The following BCAS3 variants were observed in gnomAD, a reference collection of about 807,000 sequenced individuals.
BCAS3 encodes BCAS3 microtubule associated cell migration factor.
In BCAS3, 53 loss-of-function variants were observed where a neutral mutation model predicts 116.1. The ratio of observed to expected loss-of-function variants is 0.46; its 90% CI spans 0.37 to 0.57. The LOEUF is 0.57. Ranked by LOEUF, BCAS3 falls within the 20% of genes least tolerant of loss-of-function variation. The pLI, the probability that BCAS3 is intolerant of heterozygous loss-of-function variation, is 0.00. For synonymous variants in BCAS3, 391 were observed against 408.2 expected, an observed-to-expected ratio of 0.96 and a Z score of 0.51; for missense variants, 917 against 1,165.4, an observed-to-expected ratio of 0.79 and a Z score of 3.10.
Position 60,788,791 on chromosome 17 carries a change from G to T in BCAS3, c.404-19213G>T, listed in dbSNP as rs1030996121. Among the ~76,000 whole-genome samples the T allele has an allele frequency of 5.5e-4, 84 of 152,160 alleles. 1 individual carries two copies. Among genetic ancestry groups the T allele is most frequent in the African/African-American group, 1.7e-3 (71 of 41,524 alleles). On this transcript the variant is annotated intron_variant, in intron 6 of 23. Transcript: ENST00000407086. ...ATGAGAGTATTATTCAATTCATAAT[G>T]ATTATTTATAGAAAATTTGGTAAGA... is the stretch of plus-strand genomic sequence containing the variant.
rs941383136 is a variant in BCAS3, at chr17:61,347,606, C to G, written c.2426-20721C>G. Among the ~76,000 whole-genome samples the G allele has an allele frequency of 1.3e-5, 2 of 152,186 alleles. No individual in the cohort carries two copies. Among genetic ancestry groups the G allele is most frequent in the Admixed American group, 1.3e-4 (2 of 15,284 alleles). On this transcript the variant is annotated intron_variant, in intron 22 of 23. Coordinates refer to ENST00000407086, the MANE Select transcript of BCAS3 (RefSeq NM_017679.5). This position sits in a 1 kb window ranked among gnomAD's most constrained non-coding sequence, Gnocchi z 4.3. ...AATAGGGCCATAAAATATTTTATTGCTTTTGTCTGTCTCCTTTACCAAATT... is the reference window on the plus strand; with the variant it reads ...AATAGGGCCATAAAATATTTTATTGGTTTTGTCTGTCTCCTTTACCAAATT...
At chr17:61,207,774 A>G (rs978469543) in intron 22 of BCAS3, among the ~76,000 whole-genome samples, 6 of 152,170 alleles carry the variant, frequency 3.9e-5, no homozygotes, top group African/African-American at 1.4e-4. Flanking sequence ...GCTCAAAGAA[A>G]TATGCTCACA....
At position 61,348,012 on chromosome 17, in the gene BCAS3, G is replaced by C. The variant is rs544591252; in HGVS notation, c.2426-20315G>C. Among the ~76,000 whole-genome samples the C allele has an allele frequency of 9.2e-5, 14 of 152,264 alleles. No homozygotes were observed. Among genetic ancestry groups the C allele is most frequent in the Admixed American group, 9.2e-4 (14 of 15,290 alleles). On this transcript the variant is annotated intron_variant, in intron 22 of 23. Coordinates refer to ENST00000407086, the MANE Select transcript of BCAS3 (RefSeq NM_017679.5). The surrounding 1 kb of genome is among the most constrained non-coding windows in gnomAD (Gnocchi z 4.5). ...ATGTTCAGATTCACATTGTAGAAAAGGTCACCCAGGTGGCACTAGGAAGAA... is the reference window on the plus strand; with the variant it reads ...ATGTTCAGATTCACATTGTAGAAAACGTCACCCAGGTGGCACTAGGAAGAA...
At chr17:61,306,640 G>A (rs950178486) in intron 22 of BCAS3, among the ~76,000 whole-genome samples, 1 of 151,998 alleles carries the variant, frequency 6.6e-6, no homozygotes, top group African/African-American at 2.4e-5. Flanking sequence ...GCTGGGCATG[G>A]TGGTACATGC....
chr17:60,849,913 C>T (rs144998884), intron 7 of BCAS3, among the ~76,000 whole-genome samples: 6 of 152,158 alleles, frequency 3.9e-5, no homozygotes, highest in East Asian at 1.9e-4. Flanking sequence ...GGCGTGCTAC[C>T]GTGCCTCGCT....
At chr17:60,992,758 G>T (rs1414140880) in intron 15 of BCAS3, among the ~76,000 whole-genome samples, 1 of 152,144 alleles carries the variant, frequency 6.6e-6, no homozygotes, top group Admixed American at 6.5e-5. Flanking sequence ...ATGAGATATT[G>T]ATATTTTCAG....
At chr17:60,831,676 A>T (rs2050946816) in intron 7 of BCAS3, among the ~76,000 whole-genome samples, 5 of 151,762 alleles carry the variant, frequency 3.3e-5, no homozygotes. Context: ...GTGTGGGTGG[A>T]TGTGCTTTTG....
chr17:61,102,362 G>T (rs2191163), intron 22 of BCAS3, among the ~76,000 whole-genome samples: 21,828 of 152,092 alleles, frequency 0.14, 4,874 homozygotes, highest in African/African-American at 0.48. Context: ...CATATTAAAT[G>T]ATATATAATG....
chr17:60,767,048 G>T (rs1231097086), intron 6 of BCAS3, among the ~76,000 whole-genome samples: 2 of 152,236 alleles, frequency 1.3e-5, no homozygotes, highest in African/African-American at 4.8e-5. Context: ...TGCTAAGACT[G>T]TTGGAAAAGC....
chr17:61,075,131 A>G, intron 20 of BCAS3, 111 bp downstream of exon 20: 1 of 786,480 alleles, frequency 1.3e-6, no homozygotes, highest in South Asian at 1.9e-5. Context: ...TTATTGGATT[A>G]TCAAGAATTA....
intron 13 of BCAS3, among the ~76,000 whole-genome samples, chr17:60,930,211 A>G (rs1023144776): frequency 6.6e-6 from 1 of 152,230 alleles, no homozygotes; most frequent in Non-Finnish European, 1.5e-5. Flanking sequence ...AGGAAGTTTT[A>G]ACCCTCTAAT....
rs1049445601 is a variant in BCAS3, at chr17:61,068,595, A to G, written c.2030-6325A>G. On this transcript the variant is annotated intron_variant, in intron 19 of 23. Coordinates refer to ENST00000407086, the MANE Select transcript of BCAS3 (RefSeq NM_017679.5). This position sits in a 1 kb window ranked among gnomAD's most constrained non-coding sequence, Gnocchi z 4.3. Reference sequence around the variant, plus strand: ...ACAGACCTGGCTGTACAGACACACTATGTGCACACCATTTCTACTCTTGTA... The same window carrying G: ...ACAGACCTGGCTGTACAGACACACTGTGTGCACACCATTTCTACTCTTGTA... 1.2e-4 allele frequency among the ~76,000 whole-genome samples: 19 copies of G among 152,174 alleles called. No individual in the cohort carries two copies. The highest frequency in any genetic ancestry group is 7.9e-4 in the Admixed American group (12 of 15,276).
At chr17:61,266,623 C>A (rs761813017) in intron 22 of BCAS3, among the ~76,000 whole-genome samples, 27 of 152,132 alleles carry the variant, frequency 1.8e-4, no homozygotes, top group Non-Finnish European at 3.5e-4. Flanking sequence ...CCAAGCTGAC[C>A]TTACATGTAG....
intron 22 of BCAS3, among the ~76,000 whole-genome samples, chr17:61,296,645 GTTTA>G (rs1271168735): frequency 2.0e-5 from 3 of 152,082 alleles, no homozygotes; most frequent in Non-Finnish European, 4.4e-5. Context: ...CATTTTATTG[GTTTA>G]TTTATTTATT....
At position 61,141,435 on chromosome 17, in the gene BCAS3, A is replaced by G. The variant is rs1269641946; in HGVS notation, c.2425+56871A>G. Among the ~76,000 whole-genome samples, 1 of 152,136 alleles carries G rather than the reference A, an allele frequency of 6.6e-6. No individual in the cohort carries two copies. The highest frequency in any genetic ancestry group is 1.5e-5 in the Non-Finnish European group (1 of 68,002). On this transcript the variant is annotated intron_variant, in intron 22 of 23. Coordinates refer to ENST00000407086, the MANE Select transcript of BCAS3 (RefSeq NM_017679.5). This position sits in a 1 kb window ranked among gnomAD's most constrained non-coding sequence, Gnocchi z 4.3. ...TAACCAGGTATAGTAGCAGGAGTCC[A>G]TAGTCCCAGCTACTTGGGAGGCTGA...
chr17:60,999,970 G>C (rs113028265), intron 15 of BCAS3, among the ~76,000 whole-genome samples: 6,229 of 152,066 alleles, frequency 0.041, 462 homozygotes, highest in African/African-American at 0.14. Context: ...TATTATTGTT[G>C]TCTAGAAATG....
intron 19 of BCAS3, among the ~76,000 whole-genome samples, chr17:61,060,252 G>C (rs1437617301): frequency 2.0e-5 from 3 of 150,888 alleles, no homozygotes; most frequent in Admixed American, 6.6e-5. Flanking sequence ...TCAGCCTCCT[G>C]ACTAGCTGGG....
chr17:60,891,259 T>C (rs1003007126), intron 10 of BCAS3, among the ~76,000 whole-genome samples: 1 of 152,228 alleles, frequency 6.6e-6, no homozygotes, highest in African/African-American at 2.4e-5. Flanking sequence ...TTCTCACATA[T>C]GGGGAACTGC....
At chr17:60,866,647 A>G (rs1330787973) in intron 7 of BCAS3, among the ~76,000 whole-genome samples, 1 of 152,228 alleles carries the variant, frequency 6.6e-6, no homozygotes, top group Non-Finnish European at 1.5e-5. Context: ...GCAAGAAGTT[A>G]TGAATTGAAT....
Sources: gnomAD v4.1 joint callset for allele counts (sites outside exome capture counted in the v4.1 genomes callset) on GRCh38, gnomAD v4.1.1 for gene constraint, Gnocchi (gnomAD v3.1) non-coding constraint, MANE v1.5 for transcripts, NCBI Gene and HGNC (gene_info 2026-07-23, HGNC 2026-07-21) for gene names.